CSMD1: variants seen among roughly 807,000 people sequenced by gnomAD.
CSMD1 encodes the protein CUB and Sushi multiple domains 1.
In CSMD1, 213 loss-of-function variants were observed where a neutral mutation model predicts 417.5. The ratio of observed to expected loss-of-function variants is 0.51; its 90% CI spans 0.46 to 0.57. The LOEUF (loss-of-function observed/expected upper bound fraction) is 0.57, where lower values mean the gene tolerates loss of function less well. Among genes scored for constraint, CSMD1 ranks in the 20% least tolerant of loss-of-function variants. The pLI, the probability that CSMD1 is intolerant of heterozygous loss-of-function variation, is 0.00. For synonymous variants in CSMD1, 2,862 were observed against 1,736.8 expected (o/e 1.65, Z -16.11); for missense variants, 6,923 against 4,529.7 (o/e 1.53, Z -15.17).
chr8:3,304,513 GTTGA>G (rs1403731514), intron 25 of CSMD1, among the ~76,000 whole-genome samples: 2 of 152,082 alleles, frequency 1.3e-5, no homozygotes, highest in African/African-American at 4.8e-5. Context: ...TTGGGATTAA[GTTGA>G]TTGTCAATTG....
chr8:3,339,220 T>C (rs1807481881), intron 23 of CSMD1, among the ~76,000 whole-genome samples: 1 of 152,124 alleles, frequency 6.6e-6, no homozygotes, highest in Non-Finnish European at 1.5e-5. Flanking sequence ...CACATTTTCT[T>C]GATCCAGCCT....
intron 21 of CSMD1, among the ~76,000 whole-genome samples, chr8:3,353,586 C>G (rs980088283): frequency 1.3e-5 from 2 of 152,190 alleles, no homozygotes; most frequent in Admixed American, 6.5e-5. Flanking sequence ...TAATAAGACA[C>G]TGACATTAAG....
intron 30 of CSMD1, among the ~76,000 whole-genome samples, chr8:3,210,970 G>A (rs1202566271): frequency 6.6e-6 from 1 of 150,686 alleles, no homozygotes; most frequent in Non-Finnish European, 1.5e-5. Flanking sequence ...TCTGAAGTGG[G>A]GGAAAAATAC....
intron 1 of CSMD1, among the ~76,000 whole-genome samples, chr8:4,792,466 T>C (rs1267795351): frequency 6.6e-6 from 1 of 152,214 alleles, no homozygotes; most frequent in African/African-American, 2.4e-5. Flanking sequence ...TCAGCTGTTC[T>C]GAATATTCTT....
intron 12 of CSMD1, among the ~76,000 whole-genome samples, chr8:3,441,891 G>T (rs1261758208): frequency 1.3e-5 from 2 of 152,142 alleles, no homozygotes; most frequent in East Asian, 3.9e-4. Context: ...CCGTCAGGAG[G>T]TATCCAGAAG....
chr8:3,873,974 G>A (rs561699928), intron 5 of CSMD1, among the ~76,000 whole-genome samples: 1 of 152,288 alleles, frequency 6.6e-6, no homozygotes, highest in African/African-American at 2.4e-5. Flanking sequence ...GGCTGTGTTG[G>A]TGACATAGGT....
At chr8:3,437,524 G>C (rs566509029) in intron 12 of CSMD1, among the ~76,000 whole-genome samples, 4 of 152,156 alleles carry the variant, frequency 2.6e-5, no homozygotes, top group Non-Finnish European at 5.9e-5. Context: ...CCTGCTCAAA[G>C]AAACTTCAAC....
chr8:4,738,303 G>C (rs1213761387), intron 1 of CSMD1, among the ~76,000 whole-genome samples: 2 of 152,168 alleles, frequency 1.3e-5, no homozygotes, highest in Non-Finnish European at 2.9e-5. Flanking sequence ...ATTTACAGAG[G>C]AAACATCTTA....
chr8:4,281,822 A>G (rs1796799717), intron 3 of CSMD1, among the ~76,000 whole-genome samples: 1 of 152,160 alleles, frequency 6.6e-6, no homozygotes, highest in Admixed American at 6.5e-5. Flanking sequence ...TAAAACACTG[A>G]TTTTCTAGAG....
At chr8:4,550,292 A>G (rs1797812977) in intron 2 of CSMD1, among the ~76,000 whole-genome samples, 2 of 151,232 alleles carry the variant, frequency 1.3e-5, no homozygotes, top group South Asian at 4.2e-4. Context: ...GATCATGAGG[A>G]ATACAACACA....
At chr8:3,532,030 T>A (rs1426841486) in intron 10 of CSMD1, among the ~76,000 whole-genome samples, 1 of 152,222 alleles carries the variant, frequency 6.6e-6, no homozygotes, top group Admixed American at 6.5e-5. Flanking sequence ...CTAAACAGTT[T>A]TTCATGCCCT....
At chr8:4,135,499 A>C (rs1803375586) in intron 3 of CSMD1, among the ~76,000 whole-genome samples, 1 of 152,130 alleles carries the variant, frequency 6.6e-6, no homozygotes, top group Admixed American at 6.5e-5. Context: ...CACATATAAA[A>C]CCAAAGCTTT....
chr8:3,382,597 T>C (rs1348261508), intron 18 of CSMD1, among the ~76,000 whole-genome samples: 1 of 139,684 alleles, frequency 7.2e-6, no homozygotes, highest in African/African-American at 2.6e-5. Flanking sequence ...TAAATATCTC[T>C]ATATAATATA....
intron 47 of CSMD1, 139 bp from the exon 48 acceptor site, chr8:3,091,801 C>G: frequency 1.6e-6 from 1 of 641,794 alleles, no homozygotes. Flanking sequence ...ACAACAAATT[C>G]CAAATGGCTA....
rs371099634 is a variant in CSMD1, at chr8:3,998,068, G to C, written c.653C>G (p.Ser218Cys). Residue 218 changes from serine (S) to cysteine (C), a missense_variant, in exon 5 of 70, where the codon TCC (serine) becomes TGC (cysteine). Transcript: ENST00000635120. ...TGAAGGGAAGTGCGGGCTGGAGATG[G>C]AGCTGCTGGTCCCGCGTAAGGTTCC... ...CGGTLRGTSS[S>C]ISSPHFPSEY... is the part of the protein sequence containing the mutation. The C allele has an allele frequency of 6.3e-6, 10 of 1,592,024 alleles. No homozygotes were observed. The African/African-American group carries it at 1.2e-4, about 19-fold the overall frequency.
intron 3 of CSMD1, among the ~76,000 whole-genome samples, chr8:4,174,875 T>G (rs1300908907): frequency 1.3e-5 from 2 of 149,952 alleles, no homozygotes; most frequent in African/African-American, 2.5e-5. Flanking sequence ...TTGATGTTAA[T>G]GTACACTAGA....
intron 7 of CSMD1, among the ~76,000 whole-genome samples, chr8:3,640,946 G>C (rs963713104): frequency 2.0e-5 from 3 of 151,630 alleles, no homozygotes; most frequent in African/African-American, 4.8e-5. Flanking sequence ...GAAAGCAAAA[G>C]GCGACAAAAT....
intron 37 of CSMD1, among the ~76,000 whole-genome samples, chr8:3,163,710 G>A (rs1820037702): frequency 6.6e-6 from 1 of 152,092 alleles, no homozygotes; most frequent in Non-Finnish European, 1.5e-5. Flanking sequence ...GACTCACGCA[G>A]TGCCCACTCA....
intron 3 of CSMD1, among the ~76,000 whole-genome samples, chr8:4,097,720 G>A (rs906965914): frequency 6.6e-6 from 1 of 152,160 alleles, no homozygotes. Flanking sequence ...TTCAACATAA[G>A]GTTAATACTT....
Sources: allele counts gnomAD v4.1 joint callset (sites outside exome capture counted in the v4.1 genomes callset), GRCh38; gene constraint gnomAD v4.1.1; transcripts MANE v1.5; gene names NCBI Gene and HGNC (gene_info 2026-07-23, HGNC 2026-07-21).